ADAMTS3: variants seen among roughly 807,000 people sequenced by gnomAD.
ADAMTS3 encodes A disintegrin and metalloproteinase with thrombospondin motifs 3.
A neutral mutation model predicts 129.0 loss-of-function variants in ADAMTS3; 73 were observed. The observed-to-expected ratio is 0.57, with a 90% confidence interval of 0.47 to 0.69. ADAMTS3 has a LOEUF of 0.69. ADAMTS3 is among the 30% of genes least tolerant of loss of function. ADAMTS3 has a pLI of 0.00. For missense variants in ADAMTS3, 1,457 were observed against 1,514.5 expected (o/e 0.96, Z 0.63); for synonymous variants, 477 against 510.8 (o/e 0.93, Z 0.89).
chr4:72,342,015 C>CT (rs1187067639), intron 4 of ADAMTS3, among the ~76,000 whole-genome samples: 1 of 152,194 alleles, frequency 6.6e-6, no homozygotes, highest in Non-Finnish European at 1.5e-5. Flanking sequence ...GAAATACCTT[C>CT]ATTCATAATG....
In ADAMTS3 at chr4:72,283,163, C is replaced by A. The variant is rs756211388; in HGVS notation, c.3591G>T (p.Pro1197=). 1.2e-6 allele frequency: 2 copies of A among 1,610,700 alleles called. No individual in the cohort carries two copies. Among genetic ancestry groups the A allele is most frequent in the African/African-American group, 2.7e-5 (2 of 74,914 alleles). Residue 1197 remains proline (P), a synonymous_variant, in exon 22 of 22, where the codon CCG becomes CCT. Coordinates refer to ENST00000286657, the MANE Select transcript of ADAMTS3 (RefSeq NM_014243.3). ...ATCTTTCTAAGGTGGATGATCTTGT[C>A]GGACGTCTGTTGTCAATGATCTTTC... ...KDGKIIDNRR[P]TRSSTLER
At chr4:72,340,319 G>GTA (rs1399522023) in intron 4 of ADAMTS3, among the ~76,000 whole-genome samples, 1 of 148,242 alleles carries the variant, frequency 6.7e-6, no homozygotes, top group Non-Finnish European at 1.5e-5. Flanking sequence ...ATACATAAGT[G>GTA]TGTGTGTGTG....
chr4:72,474,118 A>C (rs1015253736), intron 3 of ADAMTS3, among the ~76,000 whole-genome samples: 1 of 152,358 alleles, frequency 6.6e-6, no homozygotes, highest in Middle Eastern at 3.4e-3. Context: ...GGTTTAAATA[A>C]AATCCAGAGT....
At chr4:72,290,773 CTGATGTT>C (rs1363419600) in intron 20 of ADAMTS3, 75 bp downstream of exon 20, 8 of 1,428,590 alleles carry the variant, frequency 5.6e-6, no homozygotes, top group Non-Finnish European at 7.8e-6. Context: ...CAAAGCCTAA[CTGATGTT>C]TAAGCCAAAT....
intron 5 of ADAMTS3, among the ~76,000 whole-genome samples, chr4:72,324,053 G>T (rs1465381807): frequency 6.6e-5 from 10 of 152,088 alleles, no homozygotes; most frequent in Non-Finnish European, 1.3e-4. Context: ...AGAATGCAAA[G>T]TTCTTAGAAT....
At position 72,318,476 on chromosome 4, in the gene ADAMTS3, T is replaced by G. The variant is rs1719458025; in HGVS notation, c.1485+96A>C. 6 of 1,309,452 alleles carry G rather than the reference T, an allele frequency of 4.6e-6. No individual in the cohort carries two copies. The Admixed American group carries it at 1.1e-4, about 24-fold the overall frequency. 81.1% of individuals were successfully genotyped at this position (1,309,452 alleles called of 1,614,324 possible). A position where few individuals can be genotyped will look rare whatever the true frequency, so the allele number is the denominator to read the frequency against. ...AACACAAAATAACTGCTAGATATTA[T>G]TATACTTGCACCAGTGAGTCTGTAA... On this transcript the variant is annotated intron_variant, in intron 10 of 21. Transcript: ENST00000286657.
chr4:72,550,069 G>GGA (rs1721601378), intron 2 of ADAMTS3, among the ~76,000 whole-genome samples: 1 of 8,620 alleles, frequency 1.2e-4, no homozygotes, highest in Non-Finnish European at 2.3e-4. Flanking sequence ...AAGAGGAAGA[G>GGA]GAAGAGGAAG....
chr4:72,457,494 G>A (rs745914563), intron 3 of ADAMTS3, among the ~76,000 whole-genome samples: 13 of 151,542 alleles, frequency 8.6e-5, no homozygotes, highest in South Asian at 2.1e-4. Flanking sequence ...AGAAGTGGTC[G>A]TTTTACTTTA....
chr4:72,358,085 G>T (rs1038504849), intron 4 of ADAMTS3, among the ~76,000 whole-genome samples: 2 of 151,826 alleles, frequency 1.3e-5, no homozygotes, highest in Non-Finnish European at 2.9e-5. Flanking sequence ...ACTTCCTAGG[G>T]GGTGGAATGC....
intron 4 of ADAMTS3, among the ~76,000 whole-genome samples, chr4:72,380,933 C>T (rs909818965): frequency 1.3e-5 from 2 of 152,074 alleles, no homozygotes; most frequent in Admixed American, 1.3e-4. Flanking sequence ...TATACCCAAC[C>T]ACTAAAAAGG....
intron 5 of ADAMTS3, among the ~76,000 whole-genome samples, chr4:72,336,549 G>C (rs1377582594): frequency 6.6e-6 from 1 of 152,098 alleles, no homozygotes; most frequent in Non-Finnish European, 1.5e-5. Context: ...TCAGTATTTT[G>C]GGTCTAACAG....
rs1446739617 is a variant in ADAMTS3, at chr4:72,569,122, T to C, written c.-360A>G. The C allele has an allele frequency of 3.3e-5, 10 of 299,232 alleles. No homozygotes were observed. The highest frequency in any genetic ancestry group is 1.0e-4 in the South Asian group (2 of 19,952). The allele number at this position is 299,232 out of a possible 1,614,324, so 18.5% of individuals were successfully genotyped here. A position where few individuals can be genotyped will look rare whatever the true frequency, so the allele number is the denominator to read the frequency against. On this transcript the variant is annotated 5_prime_UTR_variant, in exon 1 of 22. It removes an upstream start codon present in the reference 5' UTR. Transcript: ENST00000286657. ...CTTTTTCGAGGCTTTTCGAGCACCATTGGTCCCTAAGGTTAGCGCGGAGAA... is the reference window on the plus strand; with the variant it reads ...CTTTTTCGAGGCTTTTCGAGCACCACTGGTCCCTAAGGTTAGCGCGGAGAA...
rs182452397 is a variant in ADAMTS3, at chr4:72,318,450, G to A, written c.1485+122C>T. 5.9e-5 allele frequency: 62 copies of A among 1,049,966 alleles called. No homozygotes were observed. In the East Asian group the frequency reaches 1.1e-3, roughly 19 times the overall value. The allele number at this position is 1,049,966 out of a possible 1,614,324, so 65.0% of individuals were successfully genotyped here. A position where few individuals can be genotyped will look rare whatever the true frequency, so the allele number is the denominator to read the frequency against. On this transcript the variant is annotated intron_variant, in intron 10 of 21. Transcript: ENST00000286657. ...TAGCTGTAGCACACAGCAACACAAT[G>A]AACACAAAATAACTGCTAGATATTA...
chr4:72,320,333 A>C (rs926832104), intron 7 of ADAMTS3, among the ~76,000 whole-genome samples: 2 of 152,192 alleles, frequency 1.3e-5, no homozygotes, highest in African/African-American at 4.8e-5. Flanking sequence ...CTTCTTCCAA[A>C]GTCCACATCA....
At chr4:72,404,186 A>G (rs1721994395) in intron 4 of ADAMTS3, among the ~76,000 whole-genome samples, 1 of 152,086 alleles carries the variant, frequency 6.6e-6, no homozygotes, top group South Asian at 2.1e-4. Flanking sequence ...ATTCCTGTGA[A>G]ACCACAGAGG....
chr4:72,485,604 T>A (rs1719569774), intron 3 of ADAMTS3, among the ~76,000 whole-genome samples: 1 of 152,170 alleles, frequency 6.6e-6, no homozygotes, highest in African/African-American at 2.4e-5. Context: ...AACTTCCTAT[T>A]TTTTAAGTTC....
chr4:72,331,862 AT>A (rs1274843374), intron 5 of ADAMTS3, among the ~76,000 whole-genome samples: 2 of 152,142 alleles, frequency 1.3e-5, no homozygotes, highest in Admixed American at 6.6e-5. Context: ...CTCTTTTTCA[AT>A]TCATGTTTAC....
intron 3 of ADAMTS3, among the ~76,000 whole-genome samples, chr4:72,457,845 TG>T (rs1218543883): frequency 4.9e-5 from 7 of 142,796 alleles, no homozygotes; most frequent in East Asian, 2.1e-4. Flanking sequence ...CATACTCTCT[TG>T]TTTTGTTGTT....
intron 17 of ADAMTS3, among the ~76,000 whole-genome samples, chr4:72,301,085 T>C (rs771043302): frequency 2.3e-4 from 35 of 152,162 alleles, no homozygotes; most frequent in Non-Finnish European, 3.8e-4. Context: ...ATAACTAATA[T>C]AGACATCCAT....
Sources: allele counts gnomAD v4.1 joint callset (sites outside exome capture counted in the v4.1 genomes callset), GRCh38; gene constraint gnomAD v4.1.1; transcripts MANE v1.5; gene names NCBI Gene and HGNC (gene_info 2026-07-23, HGNC 2026-07-21).